The following GNAL variants were observed in gnomAD, a reference collection of about 807,000 sequenced individuals.
The protein encoded by GNAL is guanine nucleotide-binding protein G(olf) subunit alpha.
A neutral mutation model predicts 55.1 loss-of-function variants in GNAL; 18 were observed. That is an observed-to-expected ratio of 0.33 (90% CI 0.23 to 0.48). The LOEUF is 0.48. Among genes scored for constraint, GNAL ranks in the 20% least tolerant of loss-of-function variants. GNAL has a pLI of 0.99. For synonymous variants in GNAL, 253 were observed against 237.0 expected (o/e 1.07, Z -0.62); for missense variants, 412 against 614.1 (o/e 0.67, Z 3.48).
intron 10 of GNAL, among the ~76,000 whole-genome samples, chr18:11,873,523 C>T (rs1426888273): frequency 6.6e-6 from 1 of 152,196 alleles, no homozygotes. Context: ...CTCACCAGAC[C>T]CAGCTGCTTT....
chr18:11,866,290 G>A lies in GNAL; in HGVS notation c.852-878G>A, dbSNP rs897957741. Among the ~76,000 whole-genome samples the A allele has an allele frequency of 1.8e-4, 27 of 150,342 alleles. 3 individuals are homozygous for A. Among genetic ancestry groups the A allele is most frequent in the African/African-American group, 5.3e-4 (21 of 39,658 alleles). On this transcript the variant is annotated intron_variant, in intron 7 of 11. Coordinates refer to ENST00000334049, the MANE Select transcript of GNAL (RefSeq NM_182978.4). Reference sequence around the variant, plus strand: ...TGCCCCACGTGTGCTAATGTAAAGCGTACGGATTAAATTCTAATAGGATCA... The same window carrying A: ...TGCCCCACGTGTGCTAATGTAAAGCATACGGATTAAATTCTAATAGGATCA...
chr18:11,870,260 C>T (rs375796291), intron 9 of GNAL, among the ~76,000 whole-genome samples: 2 of 152,284 alleles, frequency 1.3e-5, no homozygotes, highest in East Asian at 1.9e-4. Context: ...GTGGCTCATG[C>T]CTGTAATCCC....
intron 10 of GNAL, chr18:11,874,365 CAGTA>C (rs1363853700): frequency 6.7e-6 from 1 of 149,934 alleles, no homozygotes; most frequent in African/African-American, 2.5e-5. Flanking sequence ...GTTAAACTCA[CAGTA>C]ATTGTGCTGA....
chr18:11,695,278 C>T (rs1189684419), intron 1 of GNAL, among the ~76,000 whole-genome samples: 1 of 152,210 alleles, frequency 6.6e-6, no homozygotes, highest in Non-Finnish European at 1.5e-5. Flanking sequence ...ATGTAATCTA[C>T]ATGGCTAATA....
chr18:11,761,128 T>C (rs16976642), intron 4 of GNAL, among the ~76,000 whole-genome samples: 20,878 of 152,160 alleles, frequency 0.14, 1,867 homozygotes, highest in East Asian at 0.28. Flanking sequence ...TCCCGTGGTC[T>C]GACATGGCTT....
intron 1 of GNAL, chr18:11,747,119 A>G (rs563888526): frequency 2.9e-5 from 12 of 409,258 alleles, no homozygotes; most frequent in South Asian, 2.5e-4. Context: ...GCGCAGATCG[A>G]ACTGCCCACG....
chr18:11,808,849 T>A (rs1370555066), intron 4 of GNAL, among the ~76,000 whole-genome samples: 1 of 152,238 alleles, frequency 6.6e-6, no homozygotes, highest in Admixed American at 6.5e-5. Flanking sequence ...ACACATGCCA[T>A]ATCAGAGATG....
At chr18:11,784,029 CT>C (rs2033991130) in intron 4 of GNAL, among the ~76,000 whole-genome samples, 2 of 152,274 alleles carry the variant, frequency 1.3e-5, no homozygotes, top group Non-Finnish European at 2.9e-5. Flanking sequence ...TCCAGGCCCC[CT>C]GGTACCTGCT....
At chr18:11,866,099 GC>G (rs2036257355) in intron 7 of GNAL, among the ~76,000 whole-genome samples, 1 of 150,064 alleles carries the variant, frequency 6.7e-6, no homozygotes, top group African/African-American at 2.5e-5. Flanking sequence ...CTGCTGGGAG[GC>G]GCACAGTGCA....
At chr18:11,791,194 TTAAG>T (rs1354004850) in intron 4 of GNAL, among the ~76,000 whole-genome samples, 1 of 152,212 alleles carries the variant, frequency 6.6e-6, no homozygotes, top group African/African-American at 2.4e-5. Flanking sequence ...GTGTGGGTTC[TTAAG>T]CCATGGCTAG....
intron 4 of GNAL, among the ~76,000 whole-genome samples, chr18:11,824,697 AC>A (rs1404859187): frequency 4.1e-5 from 1 of 24,544 alleles, no homozygotes; most frequent in African/African-American, 6.6e-5. Flanking sequence ...CAAAAAAAAA[AC>A]AAAAAACTTT....
Position 11,857,771 on chromosome 18 carries a change from G to T in GNAL, c.723-4624G>T, listed in dbSNP as rs1420601007. The T allele has an allele frequency of 3.1e-6, 3 of 980,556 alleles. No individual in the cohort carries two copies. The African/African-American group carries it at 5.3e-5, about 17-fold the overall frequency. The allele number at this position is 980,556 out of a possible 1,614,324, so 60.7% of individuals were successfully genotyped here. A position where few individuals can be genotyped will look rare whatever the true frequency, so the allele number is the denominator to read the frequency against. On this transcript the variant is annotated intron_variant, in intron 5 of 11. Coordinates refer to ENST00000334049, the MANE Select transcript of GNAL (RefSeq NM_182978.4). ...TCTGGCTGTGCATTACAACTGCCTG[G>T]TACTTTGTCACCACGTGAGTAATGT...
chr18:11,844,404 A>T (rs575769369), intron 5 of GNAL, among the ~76,000 whole-genome samples: 1 of 152,226 alleles, frequency 6.6e-6, no homozygotes, highest in African/African-American at 2.4e-5. Context: ...ACTGCACTCC[A>T]ACCTGGGTGA....
Position 11,752,301 on chromosome 18 carries a change from A to G in GNAL, c.377-552A>G. On this transcript the variant is annotated intron_variant, in intron 1 of 11. Transcript: ENST00000334049. This position sits in a 1 kb window ranked among gnomAD's most constrained non-coding sequence, Gnocchi z 4.5. ...AAACGCCTGCTCTGAATCGGAAAAC[A>G]CCGAAGAGACCAGACCATCTCTTTC... 1 of 1,450,842 alleles carries G rather than the reference A, an allele frequency of 6.9e-7. No homozygotes were observed. Among genetic ancestry groups the G allele is most frequent in the Non-Finnish European group, 9.0e-7 (1 of 1,105,534 alleles). The allele number at this position is 1,450,842 out of a possible 1,614,324, so 89.9% of individuals were successfully genotyped here. A position where few individuals can be genotyped will look rare whatever the true frequency, so the allele number is the denominator to read the frequency against.
At chr18:11,813,800 C>T (rs1229136155) in intron 4 of GNAL, among the ~76,000 whole-genome samples, 1 of 152,078 alleles carries the variant, frequency 6.6e-6, no homozygotes, top group Non-Finnish European at 1.5e-5. Context: ...GTGGCTTGAG[C>T]CCAGGAGGTC....
At chr18:11,875,676 T>C (rs1288743935) in intron 10 of GNAL, among the ~76,000 whole-genome samples, 3 of 152,180 alleles carry the variant, frequency 2.0e-5, no homozygotes, top group African/African-American at 7.2e-5. Flanking sequence ...CCCAGAAGCC[T>C]AGCAGATACC....
In GNAL at chr18:11,811,674, G is replaced by A. The variant is rs112957345; in HGVS notation, c.625-13244G>A. Among the ~76,000 whole-genome samples the A allele has an allele frequency of 1.2e-3, 186 of 152,312 alleles. 1 individual carries two copies. Among genetic ancestry groups the A allele is most frequent in the African/African-American group, 4.3e-3 (178 of 41,562 alleles). On this transcript the variant is annotated intron_variant, in intron 4 of 11. Coordinates refer to ENST00000334049, the MANE Select transcript of GNAL (RefSeq NM_182978.4). Reference sequence around the variant, plus strand: ...AAATATATTTAATTCTATAGTCACTGTCAGCAAGAATATAGCAAGCCCACC... The same window carrying A: ...AAATATATTTAATTCTATAGTCACTATCAGCAAGAATATAGCAAGCCCACC...
At chr18:11,729,968 A>C (rs572937406) in intron 1 of GNAL, among the ~76,000 whole-genome samples, 1 of 152,300 alleles carries the variant, frequency 6.6e-6, no homozygotes, top group South Asian at 2.1e-4. Flanking sequence ...TACAAGTCAT[A>C]GGTGGGTTTT....
chr18:11,738,091 A>T (rs531434247), intron 1 of GNAL, among the ~76,000 whole-genome samples: 1 of 152,314 alleles, frequency 6.6e-6, no homozygotes, highest in Admixed American at 6.5e-5. Flanking sequence ...CACTCAGCAG[A>T]TGAAGGGCTG....
Sources: allele counts gnomAD v4.1 joint callset (sites outside exome capture counted in the v4.1 genomes callset), GRCh38; gene constraint gnomAD v4.1.1; non-coding constraint Gnocchi (gnomAD v3.1); transcripts MANE v1.5; gene names NCBI Gene and HGNC (gene_info 2026-07-23, HGNC 2026-07-21).